The following DGKB variants were observed in gnomAD, a reference collection of about 807,000 sequenced individuals.
The protein encoded by DGKB is 90 kDa diacylglycerol kinase.
DGKB carries 67 observed loss-of-function variants against 114.3 expected under a neutral mutation model. The ratio of observed to expected loss-of-function variants is 0.59; its 90% CI spans 0.48 to 0.72. The LOEUF is 0.72. DGKB is among the 30% of genes least tolerant of loss of function. The pLI is 0.00. For synonymous variants in DGKB, 398 were observed against 323.1 expected (o/e 1.23, Z -2.49); for missense variants, 907 against 975.2 (o/e 0.93, Z 0.93).
chr7:14,493,929 C>CAT (rs1459373743), intron 20 of DGKB, among the ~76,000 whole-genome samples: 2 of 121,494 alleles, frequency 1.6e-5, no homozygotes, highest in Non-Finnish European at 3.3e-5. Flanking sequence ...GTATCATACA[C>CAT]ACACACACAC....
chr7:14,207,773 G>A (rs1584452889), intron 23 of DGKB, among the ~76,000 whole-genome samples: 1 of 151,870 alleles, frequency 6.6e-6, no homozygotes, highest in Non-Finnish European at 1.5e-5. Context: ...ATTGTACTTG[G>A]GAACCAGGGC....
Position 14,345,309 on chromosome 7 carries a change from C to G in DGKB, c.1918G>C (p.Glu640Gln). ...ATCKKLHESV[E>Q]IECDGVQIDL... Reference sequence around the variant, plus strand: ...ATTCATTTTTTTCTTACTTCTATTTCTACAGATTCATGTAGCTTCTTGCAG... The same window carrying G: ...ATTCATTTTTTTCTTACTTCTATTTGTACAGATTCATGTAGCTTCTTGCAG... The change falls in exon 22 of 26, where the codon GAA becomes CAA. Residue 640 changes from glutamate (E) to glutamine (Q), a missense_variant. Transcript: ENST00000402815. 1 of 1,533,008 alleles carries G rather than the reference C, an allele frequency of 6.5e-7. No individual in the cohort carries two copies. Among genetic ancestry groups the G allele is most frequent in the South Asian group, 1.2e-5 (1 of 83,032 alleles). 95.0% of individuals were successfully genotyped at this position (1,533,008 alleles called of 1,614,324 possible). A position where few individuals can be genotyped will look rare whatever the true frequency, so the allele number is the denominator to read the frequency against.
At chr7:14,901,421 T>C (rs1437036057) in intron 1 of DGKB, among the ~76,000 whole-genome samples, 2 of 152,236 alleles carry the variant, frequency 1.3e-5, no homozygotes, top group African/African-American at 4.8e-5. Flanking sequence ...CTTCTTCTCC[T>C]ATGGAATATA....
chr7:14,825,008 A>ATG (rs1370513806), intron 2 of DGKB, among the ~76,000 whole-genome samples: 1 of 81,680 alleles, frequency 1.2e-5, no homozygotes, highest in African/African-American at 6.9e-5. Context: ...ATATATATGT[A>ATG]TGTGTATGTA....
chr7:14,854,772 C>A (rs530307671), intron 1 of DGKB, among the ~76,000 whole-genome samples: 1 of 152,150 alleles, frequency 6.6e-6, no homozygotes, highest in Non-Finnish European at 1.5e-5. Flanking sequence ...GTTGTTAGTA[C>A]GAGCTATGAT....
intron 13 of DGKB, among the ~76,000 whole-genome samples, chr7:14,667,656 T>G (rs1393809849): frequency 6.6e-6 from 1 of 152,120 alleles, no homozygotes; most frequent in East Asian, 1.9e-4. Context: ...TCATGCAGTG[T>G]GAAATTATTC....
intron 20 of DGKB, among the ~76,000 whole-genome samples, chr7:14,553,081 C>T (rs562793605): frequency 6.6e-6 from 1 of 152,188 alleles, no homozygotes; most frequent in Non-Finnish European, 1.5e-5. Flanking sequence ...AATACATGAA[C>T]CAGAAGAATT....
intron 21 of DGKB, among the ~76,000 whole-genome samples, chr7:14,451,224 G>A (rs992679946): frequency 6.6e-6 from 1 of 152,068 alleles, no homozygotes; most frequent in Non-Finnish European, 1.5e-5. Context: ...ATTTGAATTG[G>A]TAGACAGAGT....
intron 20 of DGKB, among the ~76,000 whole-genome samples, chr7:14,482,949 A>G (rs185403429): frequency 2.6e-3 from 395 of 152,226 alleles, no homozygotes; most frequent in Admixed American, 4.5e-3. Flanking sequence ...ATGCTGCAGA[A>G]TAGTTAATAA....
chr7:14,320,544 T>C (rs1807569136), intron 23 of DGKB, among the ~76,000 whole-genome samples: 1 of 151,470 alleles, frequency 6.6e-6, no homozygotes, highest in South Asian at 2.1e-4. Flanking sequence ...ATGCGGTACA[T>C]ATATGTACTA....
At chr7:14,317,777 A>G in intron 23 of DGKB, among the ~76,000 whole-genome samples, 1 of 87,846 alleles carries the variant, frequency 1.1e-5, no homozygotes, top group African/African-American at 4.3e-5. Flanking sequence ...CAGAATTGGA[A>G]AAAACTACTT....
intron 25 of DGKB, among the ~76,000 whole-genome samples, chr7:14,171,964 C>T (rs924346583): frequency 5.3e-5 from 8 of 152,066 alleles, no homozygotes; most frequent in African/African-American, 9.7e-5. Flanking sequence ...AGAATTCCAA[C>T]GTAATGTTGT....
chr7:14,296,299 G>T (rs192931105), intron 23 of DGKB, among the ~76,000 whole-genome samples: 1 of 152,180 alleles, frequency 6.6e-6, no homozygotes, highest in Non-Finnish European at 1.5e-5. Context: ...CAAAGTGCTG[G>T]TATTACAGGC....
At chr7:14,375,387 A>G (rs1818317079) in intron 21 of DGKB, among the ~76,000 whole-genome samples, 1 of 152,176 alleles carries the variant, frequency 6.6e-6, no homozygotes, top group Non-Finnish European at 1.5e-5. Flanking sequence ...AGAGGTAATG[A>G]ACATGTACTA....
At chr7:14,945,170 G>C (rs1435904672) in intron 1 of DGKB, among the ~76,000 whole-genome samples, 1 of 151,722 alleles carries the variant, frequency 6.6e-6, no homozygotes, top group Non-Finnish European at 1.5e-5. Context: ...AATGCAATCA[G>C]CTACAACTAC....
intron 1 of DGKB, among the ~76,000 whole-genome samples, chr7:14,943,058 T>C (rs181690587): frequency 6.6e-6 from 1 of 151,982 alleles, no homozygotes; most frequent in South Asian, 2.1e-4. Flanking sequence ...TAAATATTCG[T>C]TGTATGACTG....
At chr7:14,312,988 T>C (rs1023312245) in intron 23 of DGKB, among the ~76,000 whole-genome samples, 3 of 152,178 alleles carry the variant, frequency 2.0e-5, no homozygotes, top group African/African-American at 7.2e-5. Flanking sequence ...ATTCATGGTA[T>C]TAAAAATCAC....
chr7:14,464,218 A>C (rs1371758214), intron 21 of DGKB, among the ~76,000 whole-genome samples: 2 of 152,154 alleles, frequency 1.3e-5, no homozygotes, highest in Non-Finnish European at 2.9e-5. Flanking sequence ...AAACAGCCAA[A>C]ATAATTAAAG....
At chr7:14,541,432 G>C (rs1192636918) in intron 20 of DGKB, among the ~76,000 whole-genome samples, 1 of 152,118 alleles carries the variant, frequency 6.6e-6, no homozygotes, top group African/African-American at 2.4e-5. Context: ...AAATGGAACA[G>C]GAATGAACTG....
Sources: allele counts gnomAD v4.1 joint callset (sites outside exome capture counted in the v4.1 genomes callset), GRCh38; gene constraint gnomAD v4.1.1; transcripts MANE v1.5; gene names NCBI Gene and HGNC (gene_info 2026-07-23, HGNC 2026-07-21).